Variants in ZFHX4 observed in about 807,000 individuals in gnomAD.
ZFHX4 encodes zinc finger homeobox 4.
Under a neutral mutation model 267.6 loss-of-function variants are expected in ZFHX4, and 56 were observed. That is an observed-to-expected ratio of 0.21 (90% confidence interval 0.17 to 0.26). ZFHX4 has a LOEUF of 0.26. Among genes scored for constraint, ZFHX4 ranks in the 10% least tolerant of loss-of-function variants. ZFHX4 has a pLI of 1.00. For synonymous variants in ZFHX4, 1,778 were observed against 1,665.6 expected (o/e 1.07, Z -1.64); for missense variants, 4,332 against 4,420.0 (o/e 0.98, Z 0.56).
At chr8:76,696,727 A>G (rs1705903431) in intron 1 of ZFHX4, among the ~76,000 whole-genome samples, 2 of 151,852 alleles carry the variant, frequency 1.3e-5, no homozygotes. Context: ...AATCAAACAT[A>G]AGTTTGCCAA....
At chr8:76,736,943 A>G (rs778022050) in intron 3 of ZFHX4, among the ~76,000 whole-genome samples, 1 of 151,802 alleles carries the variant, frequency 6.6e-6, no homozygotes, top group East Asian at 1.9e-4. Context: ...CAGATGACAC[A>G]TGTGAATAAT....
At chr8:76,745,091 T>G (rs911694564) in intron 3 of ZFHX4, among the ~76,000 whole-genome samples, 4 of 152,164 alleles carry the variant, frequency 2.6e-5, no homozygotes, top group Non-Finnish European at 5.9e-5. Flanking sequence ...GAAATGTTCT[T>G]TCCTCTTCCA....
intron 3 of ZFHX4, among the ~76,000 whole-genome samples, chr8:76,758,760 C>G (rs1231061962): frequency 6.6e-6 from 1 of 152,110 alleles, no homozygotes; most frequent in African/African-American, 2.4e-5. Flanking sequence ...CCCCAAAGTG[C>G]TGGGATTAGA....
At chr8:76,745,349 T>C (rs1482697623) in intron 3 of ZFHX4, among the ~76,000 whole-genome samples, 1 of 152,166 alleles carries the variant, frequency 6.6e-6, no homozygotes, top group Non-Finnish European at 1.5e-5. Context: ...CATTTGAAAA[T>C]ATTGGTAAAA....
Position 76,796,464 on chromosome 8 carries a change from G to A in ZFHX4, c.3325+18025G>A, listed in dbSNP as rs147169165. Among the ~76,000 whole-genome samples the A allele has an allele frequency of 9.5e-3, 1,452 of 152,206 alleles. 16 individuals are homozygous for A. The highest frequency in any genetic ancestry group is 0.028 in the African/African-American group (1,154 of 41,542). On this transcript the variant is annotated intron_variant, in intron 4 of 10. Coordinates refer to ENST00000651372, the MANE Select transcript of ZFHX4 (RefSeq NM_024721.5). ...TGATGCTTTATTACAGATACAAATT[G>A]TCTGTTAAGAATCAAGACTTATCTT...
intron 1 of ZFHX4, among the ~76,000 whole-genome samples, chr8:76,694,818 T>A (rs1807914519): frequency 6.6e-6 from 1 of 150,886 alleles, no homozygotes; most frequent in Non-Finnish European, 1.5e-5. Flanking sequence ...TCCTCAGATT[T>A]TCGCAACACA....
intron 1 of ZFHX4, among the ~76,000 whole-genome samples, chr8:76,692,497 C>T (rs189759358): frequency 1.5e-3 from 224 of 152,118 alleles, no homozygotes; most frequent in Admixed American, 4.6e-3. Flanking sequence ...CATTATGAAA[C>T]CTTAAATTTT....
At chr8:76,720,388 AG>A (rs1410492885) in intron 3 of ZFHX4, among the ~76,000 whole-genome samples, 1 of 152,150 alleles carries the variant, frequency 6.6e-6, no homozygotes, top group African/African-American at 2.4e-5. Context: ...GCATAGGTAT[AG>A]TACACTTTAT....
chr8:76,693,957 G>A (rs1365699670), intron 1 of ZFHX4, among the ~76,000 whole-genome samples: 3 of 152,132 alleles, frequency 2.0e-5, no homozygotes, highest in African/African-American at 7.2e-5. Flanking sequence ...CTCTAGTAAG[G>A]CGGTCTGATG....
At chr8:76,751,306 A>G (rs553016349) in intron 3 of ZFHX4, among the ~76,000 whole-genome samples, 1 of 152,320 alleles carries the variant, frequency 6.6e-6, no homozygotes, top group East Asian at 1.9e-4. Context: ...TCATGAAAAT[A>G]AGATGAGGTT....
chr8:76,788,306 G>T (rs1351329367), intron 4 of ZFHX4, among the ~76,000 whole-genome samples: 2 of 152,048 alleles, frequency 1.3e-5, no homozygotes, highest in African/African-American at 2.4e-5. Flanking sequence ...TCTTTTATAG[G>T]CTAGCATTTA....
At chr8:76,784,464 A>C (rs1810633277) in intron 4 of ZFHX4, among the ~76,000 whole-genome samples, 1 of 152,012 alleles carries the variant, frequency 6.6e-6, no homozygotes, top group South Asian at 2.1e-4. Flanking sequence ...TGTGAGATTT[A>C]ATATACATCC....
intron 3 of ZFHX4, among the ~76,000 whole-genome samples, chr8:76,773,698 T>C (rs1265871858): frequency 2.0e-5 from 3 of 152,174 alleles, no homozygotes; most frequent in Non-Finnish European, 2.9e-5. Flanking sequence ...AGATATGACT[T>C]CACTACTCTA....
chr8:76,796,658 A>C (rs1463239200), intron 4 of ZFHX4, among the ~76,000 whole-genome samples: 1 of 152,146 alleles, frequency 6.6e-6, no homozygotes, highest in Non-Finnish European at 1.5e-5. Flanking sequence ...AACCAACTGT[A>C]ATGGTCTAAC....
chr8:76,704,230 G>T lies in ZFHX4; in HGVS notation c.142G>T (p.Asp48Tyr), dbSNP rs1228707734. 3 of 1,613,936 alleles carry T rather than the reference G, an allele frequency of 1.9e-6. No individual in the cohort carries two copies. The African/African-American group carries it at 4.0e-5, about 22-fold the overall frequency. Residue 48 changes from aspartate (D) to tyrosine (Y), a missense_variant, in exon 2 of 11, where the codon GAT becomes TAT. Coordinates refer to ENST00000651372, the MANE Select transcript of ZFHX4 (RefSeq NM_024721.5). ...MEPDRENSST[D>Y]DNLKTDERKS... Reference sequence around the variant, plus strand: ...GCCTGACAGGGAAAACAGCTCCACAGATGACAACCTGAAAACGGATGAGCG... The same window carrying T: ...GCCTGACAGGGAAAACAGCTCCACATATGACAACCTGAAAACGGATGAGCG...
chr8:76,799,436 A>T (rs1297025083), intron 4 of ZFHX4, among the ~76,000 whole-genome samples: 1 of 152,172 alleles, frequency 6.6e-6, no homozygotes, highest in Non-Finnish European at 1.5e-5. Flanking sequence ...AAGGATTTTC[A>T]CCAAGCCTTC....
chr8:76,747,676 A>G (rs1232744383), intron 3 of ZFHX4, among the ~76,000 whole-genome samples: 2 of 152,202 alleles, frequency 1.3e-5, no homozygotes, highest in Non-Finnish European at 2.9e-5. Flanking sequence ...TCACGCCTGT[A>G]ATCCCAGCAC....
chr8:76,701,801 A>AT (rs1427574172), intron 1 of ZFHX4, among the ~76,000 whole-genome samples: 6 of 152,028 alleles, frequency 3.9e-5, no homozygotes, highest in East Asian at 3.9e-4. Flanking sequence ...ATTAAAGTGA[A>AT]TTTTTTTTAC....
chr8:76,845,659 G>A (rs34466528), intron 6 of ZFHX4, among the ~76,000 whole-genome samples: 31,557 of 151,708 alleles, frequency 0.21, 6,648 homozygotes, highest in African/African-American at 0.55. Context: ...GTACATGTGC[G>A]TTATTGGATT....
Sources: allele counts gnomAD v4.1 joint callset (sites outside exome capture counted in the v4.1 genomes callset), GRCh38; gene constraint gnomAD v4.1.1; transcripts MANE v1.5; gene names NCBI Gene and HGNC (gene_info 2026-07-23, HGNC 2026-07-21).